Variants in SGCZ observed in about 807,000 individuals in gnomAD.
SGCZ encodes zeta-sarcoglycan.
SGCZ carries 40 observed loss-of-function variants against 41.3 expected under a neutral mutation model. That is an observed-to-expected ratio of 0.97 (90% CI 0.75 to 1.26). The LOEUF is 1.26. Ranked by LOEUF, SGCZ falls within the 50% of genes most tolerant of loss-of-function variation. SGCZ has a pLI of 0.00. For synonymous variants in SGCZ, 206 were observed against 137.5 expected, an observed-to-expected ratio of 1.50 and a Z score of -3.49; for missense variants, 552 against 369.8, an observed-to-expected ratio of 1.49 and a Z score of -4.04.
At chr8:14,256,085 G>A (rs1799454829) in intron 3 of SGCZ, among the ~76,000 whole-genome samples, 1 of 151,944 alleles carries the variant, frequency 6.6e-6, no homozygotes, top group African/African-American at 2.4e-5. Context: ...GACCTACTTT[G>A]TTTAATAGAT....
In SGCZ at chr8:14,439,535, C is replaced by T. The variant is rs145279509; in HGVS notation, c.234+115197G>A. Among the ~76,000 whole-genome samples the T allele has an allele frequency of 1.3e-3, 201 of 151,558 alleles. 2 individuals carry two copies. In the East Asian group the frequency reaches 0.036, roughly 27 times the overall value. On this transcript the variant is annotated intron_variant, in intron 2 of 7. Transcript: ENST00000382080. Reference sequence around the variant, plus strand: ...TAAGTACAGACCCAACAATCTTTCCCAAAATATTAGCAAAGGGAATTCGTA... The same window carrying T: ...TAAGTACAGACCCAACAATCTTTCCTAAAATATTAGCAAAGGGAATTCGTA...
intron 1 of SGCZ, among the ~76,000 whole-genome samples, chr8:14,828,465 C>A (rs1585298183): frequency 6.6e-6 from 1 of 152,226 alleles, no homozygotes; most frequent in African/African-American, 2.4e-5. Context: ...ACCTTTGTAC[C>A]TAAATGAGCT....
intron 1 of SGCZ, among the ~76,000 whole-genome samples, chr8:15,060,778 G>C (rs183286981): frequency 1.3e-5 from 2 of 152,038 alleles, no homozygotes; most frequent in Admixed American, 6.6e-5. Flanking sequence ...CTTCTAAAGA[G>C]GGTTGTTTTG....
intron 3 of SGCZ, among the ~76,000 whole-genome samples, chr8:14,276,078 T>C (rs62500228): frequency 2.6e-5 from 4 of 152,154 alleles, no homozygotes; most frequent in Non-Finnish European, 5.9e-5. Context: ...TGCTTCTTCC[T>C]TGGGGGAGAG....
intron 1 of SGCZ, among the ~76,000 whole-genome samples, chr8:15,179,786 A>C (rs1800111314): frequency 6.6e-6 from 1 of 152,178 alleles, no homozygotes; most frequent in Admixed American, 6.5e-5. Flanking sequence ...AGGCAAAATA[A>C]AAACGGGTTT....
intron 5 of SGCZ, among the ~76,000 whole-genome samples, chr8:14,130,886 G>T (rs963245156): frequency 2.0e-5 from 3 of 152,284 alleles, no homozygotes; most frequent in Admixed American, 6.5e-5. Flanking sequence ...GCCAGGTAGA[G>T]AATCCAGTTG....
chr8:14,531,546 A>G (rs1383079756), intron 2 of SGCZ, among the ~76,000 whole-genome samples: 1 of 152,094 alleles, frequency 6.6e-6, no homozygotes, highest in Non-Finnish European at 1.5e-5. Context: ...GAGATTTCCC[A>G]GTAGGTGGCA....
At chr8:15,200,536 G>A (rs1033738623) in intron 1 of SGCZ, among the ~76,000 whole-genome samples, 2 of 152,154 alleles carry the variant, frequency 1.3e-5, no homozygotes, top group East Asian at 1.9e-4. Context: ...CTAATGGTAT[G>A]ATATGACATT....
At chr8:14,255,435 C>T (rs1052729153) in intron 3 of SGCZ, among the ~76,000 whole-genome samples, 2 of 152,204 alleles carry the variant, frequency 1.3e-5, no homozygotes, top group Middle Eastern at 3.4e-3. Flanking sequence ...TTTTAGCTTA[C>T]TGCTTCTAAT....
At chr8:14,795,866 C>G (rs964495937) in intron 1 of SGCZ, among the ~76,000 whole-genome samples, 5 of 152,070 alleles carry the variant, frequency 3.3e-5, no homozygotes, top group Non-Finnish European at 7.4e-5. Flanking sequence ...TGTTGTTCCC[C>G]TCTATGTGTC....
intron 1 of SGCZ, among the ~76,000 whole-genome samples, chr8:14,871,112 C>A (rs1804133074): frequency 6.6e-6 from 1 of 151,916 alleles, no homozygotes; most frequent in South Asian, 2.1e-4. Flanking sequence ...GAGGCTGAGG[C>A]AGAAGAATCA....
chr8:14,481,938 A>T (rs904299868), intron 2 of SGCZ, among the ~76,000 whole-genome samples: 1 of 152,192 alleles, frequency 6.6e-6, no homozygotes, highest in Non-Finnish European at 1.5e-5. Context: ...CGTAAGATCT[A>T]CAATAGCCCC....
At chr8:14,320,729 T>C (rs932688147) in intron 3 of SGCZ, among the ~76,000 whole-genome samples, 1 of 152,012 alleles carries the variant, frequency 6.6e-6, no homozygotes, top group Non-Finnish European at 1.5e-5. Flanking sequence ...ATTTGAATTA[T>C]CTGGTAGTAG....
Position 14,801,605 on chromosome 8 carries a change from A to T in SGCZ, c.40-246679T>A, listed in dbSNP as rs565446546. 5.9e-5 allele frequency among the ~76,000 whole-genome samples: 9 copies of T among 152,334 alleles called. No homozygotes were observed. In the South Asian group the frequency reaches 1.9e-3, roughly 32 times the overall value. ...AGGTAAGAACGGACAGAGATCAGGG[A>T]AACACCATATAGAATGGCAAAAATA... On this transcript the variant is annotated intron_variant, in intron 1 of 7. Coordinates refer to ENST00000382080, the MANE Select transcript of SGCZ (RefSeq NM_139167.4).
intron 5 of SGCZ, among the ~76,000 whole-genome samples, chr8:14,143,283 T>G (rs1448907580): frequency 6.6e-6 from 1 of 152,142 alleles, no homozygotes; most frequent in Non-Finnish European, 1.5e-5. Flanking sequence ...ATCACATCAT[T>G]CCCTTACTAA....
intron 1 of SGCZ, among the ~76,000 whole-genome samples, chr8:14,918,269 A>G (rs184178011): frequency 6.6e-6 from 1 of 152,200 alleles, no homozygotes; most frequent in African/African-American, 2.4e-5. Flanking sequence ...CCATGGTTAC[A>G]CTTGTTGACC....
chr8:14,648,669 T>C (rs1178509670), intron 1 of SGCZ, among the ~76,000 whole-genome samples: 1 of 152,108 alleles, frequency 6.6e-6, no homozygotes, highest in Non-Finnish European at 1.5e-5. Context: ...TTGTTTTATT[T>C]TTCCATAAGT....
At chr8:14,714,155 G>C (rs1809612726) in intron 1 of SGCZ, among the ~76,000 whole-genome samples, 1 of 151,996 alleles carries the variant, frequency 6.6e-6, no homozygotes, top group South Asian at 2.1e-4. Context: ...CTTTAGTAGA[G>C]ATGGGGTTTC....
intron 2 of SGCZ, among the ~76,000 whole-genome samples, chr8:14,535,891 T>C (rs1803280982): frequency 6.6e-6 from 1 of 151,866 alleles, no homozygotes; most frequent in African/African-American, 2.4e-5. Context: ...ATATTAACAT[T>C]CAGGGAATCT....
Sources: allele counts gnomAD v4.1 joint callset (sites outside exome capture counted in the v4.1 genomes callset), GRCh38; gene constraint gnomAD v4.1.1; transcripts MANE v1.5; gene names NCBI Gene and HGNC (gene_info 2026-07-23, HGNC 2026-07-21).